Variants in ADGRB3 observed in about 807,000 individuals in gnomAD.
ADGRB3 encodes adhesion G protein-coupled receptor B3.
A neutral mutation model predicts 193.4 loss-of-function variants in ADGRB3; 37 were observed. That is an observed-to-expected ratio of 0.19 (90% CI 0.15 to 0.25). The LOEUF is 0.25. Ranked by LOEUF, ADGRB3 falls within the 10% of genes least tolerant of loss-of-function variation. ADGRB3 has a pLI of 1.00. For missense variants in ADGRB3, 1,637 were observed against 1,852.9 expected, an observed-to-expected ratio of 0.88 and a Z score of 2.14; for synonymous variants, 690 against 644.2, an observed-to-expected ratio of 1.07 and a Z score of -1.08.
intron 17 of ADGRB3, among the ~76,000 whole-genome samples, chr6:69,190,886 C>T (rs991126032): frequency 6.6e-6 from 1 of 152,080 alleles, no homozygotes; most frequent in Non-Finnish European, 1.5e-5. Flanking sequence ...TAACATGTTG[C>T]ACAAGTCTAT....
At chr6:68,810,902 G>A (rs1368153388) in intron 3 of ADGRB3, among the ~76,000 whole-genome samples, 1 of 152,186 alleles carries the variant, frequency 6.6e-6, no homozygotes, top group African/African-American at 2.4e-5. Context: ...AGTATTATTT[G>A]CTAAACTTGC....
At chr6:69,040,345 C>CT (rs1168159988) in intron 13 of ADGRB3, among the ~76,000 whole-genome samples, 2 of 52,024 alleles carry the variant, frequency 3.8e-5, no homozygotes, top group East Asian at 2.8e-3. Context: ...TTCTTTCTTT[C>CT]TTTCTTTCTT....
At chr6:69,347,882 G>T (rs190641922) in intron 26 of ADGRB3, among the ~76,000 whole-genome samples, 3 of 152,058 alleles carry the variant, frequency 2.0e-5, no homozygotes, top group African/African-American at 7.2e-5. Context: ...AGAATGAGGC[G>T]CACAAAACTG....
At chr6:69,020,063 G>C (rs1770218684) in intron 13 of ADGRB3, among the ~76,000 whole-genome samples, 1 of 152,016 alleles carries the variant, frequency 6.6e-6, no homozygotes, top group Non-Finnish European at 1.5e-5. Flanking sequence ...CCTAAGGGAA[G>C]GAAATGAGTT....
intron 3 of ADGRB3, among the ~76,000 whole-genome samples, chr6:68,819,424 C>G (rs190708984): frequency 1.3e-5 from 2 of 152,000 alleles, no homozygotes; most frequent in East Asian, 1.9e-4. Context: ...ATTAGCCTGC[C>G]TTTCTTCTTT....
chr6:68,803,225 C>T (rs2127371984), intron 3 of ADGRB3, among the ~76,000 whole-genome samples: 1 of 152,252 alleles, frequency 6.6e-6, no homozygotes, highest in Admixed American at 6.5e-5. Context: ...ATGTAACAAT[C>T]CAAGAGCTGG....
In ADGRB3 at chr6:68,684,550, A is replaced by G. The variant is rs1764949775; in HGVS notation, c.757+45118A>G. Among the ~76,000 whole-genome samples the G allele has an allele frequency of 2.0e-5, 3 of 152,244 alleles. No homozygotes were observed. In the South Asian group the frequency reaches 6.2e-4, roughly 32 times the overall value. ...TGGGGTCACTGAAATCTGAATTGAC[A>G]TGTCTGGCCTACTTTTAATTAGGCC... On this transcript the variant is annotated intron_variant, in intron 3 of 31. Transcript: ENST00000370598.
intron 17 of ADGRB3, among the ~76,000 whole-genome samples, chr6:69,188,263 G>A (rs1765109240): frequency 6.6e-6 from 1 of 151,864 alleles, no homozygotes; most frequent in African/African-American, 2.4e-5. Flanking sequence ...TTTTTTCTGG[G>A]AGTTATTATC....
rs530578705 is a variant in ADGRB3 at position 69,317,544 on chromosome 6, T to C, written c.2815-7328T>C. Among the ~76,000 whole-genome samples, 7 of 151,520 alleles carry C rather than the reference T, an allele frequency of 4.6e-5. 1 individual carries two copies. The highest frequency in any genetic ancestry group is 1.3e-4 in the Admixed American group (2 of 15,128). ...AACCAACCATTCTTTTTCAGCCCCA[T>C]ATAAAACTGCGTAAGCCTTCTGTTT... On this transcript the variant is annotated intron_variant, in intron 20 of 31. Coordinates refer to ENST00000370598, the MANE Select transcript of ADGRB3 (RefSeq NM_001704.3).
intron 17 of ADGRB3, among the ~76,000 whole-genome samples, chr6:69,215,024 T>C (rs894230825): frequency 6.6e-6 from 1 of 151,920 alleles, no homozygotes; most frequent in African/African-American, 2.4e-5. Flanking sequence ...CCGACCTAAA[T>C]TGAGGGACAT....
intron 20 of ADGRB3, among the ~76,000 whole-genome samples, chr6:69,316,249 T>C (rs1405894052): frequency 6.6e-6 from 1 of 151,442 alleles, no homozygotes; most frequent in Non-Finnish European, 1.5e-5. Context: ...TTATATTTCA[T>C]ACTCTAAGAA....
intron 17 of ADGRB3, among the ~76,000 whole-genome samples, chr6:69,185,706 T>G (rs1765052461): frequency 6.6e-6 from 1 of 152,216 alleles, no homozygotes. Flanking sequence ...AATATGTGTA[T>G]GCACCTTATC....
At chr6:68,694,484 G>T (rs556031362) in intron 3 of ADGRB3, among the ~76,000 whole-genome samples, 6 of 151,858 alleles carry the variant, frequency 4.0e-5, no homozygotes, top group Non-Finnish European at 8.8e-5. Flanking sequence ...GAGTGAGGTG[G>T]GGGGAGGTGT....
intron 3 of ADGRB3, among the ~76,000 whole-genome samples, chr6:68,901,661 A>G (rs1766396692): frequency 6.6e-6 from 1 of 152,228 alleles, no homozygotes; most frequent in Non-Finnish European, 1.5e-5. Context: ...GAGAAACAGT[A>G]AGGAAAAAAG....
chr6:68,918,549 G>A (rs1034848885), intron 3 of ADGRB3, among the ~76,000 whole-genome samples: 1 of 152,146 alleles, frequency 6.6e-6, no homozygotes, highest in East Asian at 1.9e-4. Context: ...AGCCTTCCAA[G>A]AACTTATCTT....
chr6:68,773,809 G>A lies in ADGRB3; in HGVS notation c.757+134377G>A, dbSNP rs138746148. 9.5e-3 allele frequency among the ~76,000 whole-genome samples: 1,444 copies of A among 152,082 alleles called. 30 individuals are homozygous for A. Among genetic ancestry groups the A allele is most frequent in the African/African-American group, 0.033 (1,375 of 41,488 alleles). ...TGGAAATAAAACTTGGGCTCATTAC[G>A]GTAGCAGCAAGACCTGGAGACTTAG... On this transcript the variant is annotated intron_variant, in intron 3 of 31. Coordinates refer to ENST00000370598, the MANE Select transcript of ADGRB3 (RefSeq NM_001704.3).
At chr6:69,284,697 G>C (rs1000544842) in intron 20 of ADGRB3, among the ~76,000 whole-genome samples, 1 of 151,986 alleles carries the variant, frequency 6.6e-6, no homozygotes, top group African/African-American at 2.4e-5. Context: ...GATTTATTAT[G>C]AATTTTGCCA....
chr6:68,810,470 T>C (rs1050167424), intron 3 of ADGRB3, among the ~76,000 whole-genome samples: 3 of 152,102 alleles, frequency 2.0e-5, no homozygotes, highest in African/African-American at 7.2e-5. Context: ...AGCGAACAGA[T>C]GAAATAGTAG....
chr6:69,240,950 C>CA (rs1255910369), intron 20 of ADGRB3, among the ~76,000 whole-genome samples: 1 of 151,982 alleles, frequency 6.6e-6, no homozygotes, highest in Admixed American at 6.6e-5. Context: ...AGCTAGAGCT[C>CA]AGAGTTTAAG....
Sources: gnomAD v4.1 joint callset for allele counts (sites outside exome capture counted in the v4.1 genomes callset) on GRCh38, gnomAD v4.1.1 for gene constraint, MANE v1.5 for transcripts, NCBI Gene and HGNC (gene_info 2026-07-23, HGNC 2026-07-21) for gene names.